RAB12: variants seen among roughly 807,000 people sequenced by gnomAD.
RAB12 encodes RAB12, member RAS oncogene family.
RAB12 carries 11 observed loss-of-function variants against 28.4 expected under a neutral mutation model. That is an observed-to-expected ratio of 0.39 (90% CI 0.24 to 0.64). The LOEUF (loss-of-function observed/expected upper bound fraction) is 0.64, where lower values mean the gene tolerates loss of function less well. Among genes scored for constraint, RAB12 ranks in the 30% least tolerant of loss-of-function variants. RAB12 has a pLI of 0.50. For synonymous variants in RAB12, 138 were observed against 145.3 expected, an observed-to-expected ratio of 0.95 and a Z score of 0.36; for missense variants, 276 against 351.1, an observed-to-expected ratio of 0.79 and a Z score of 1.71.
chr18:8,634,758 C>T (rs2096017948), intron 3 of RAB12, among the ~76,000 whole-genome samples: 2 of 152,230 alleles, frequency 1.3e-5, no homozygotes, highest in Admixed American at 1.3e-4. Context: ...GGGGCCGGCA[C>T]TCCTCACCTG....
At chr18:8,627,786 G>A (rs1349051718) in intron 2 of RAB12, among the ~76,000 whole-genome samples, 1 of 152,102 alleles carries the variant, frequency 6.6e-6, no homozygotes, top group Non-Finnish European at 1.5e-5. Flanking sequence ...GTCCACTGTT[G>A]GGGGACTTTG....
chr18:8,638,353 C>T lies in RAB12; in HGVS notation c.*91C>T, dbSNP rs1482596830. On this transcript the variant is annotated 3_prime_UTR_variant, in exon 6 of 6. Transcript: ENST00000649141. ...TACAATCATTTTGACAATTTCCTTT[C>T]GCACTTTGTAATCCAAGTCAGAGCT... 1.5e-5 allele frequency: 13 copies of T among 876,088 alleles called. No homozygotes were observed. Among genetic ancestry groups the T allele is most frequent in the East Asian group, 7.7e-5 (3 of 38,742 alleles). 54.3% of individuals were successfully genotyped at this position (876,088 alleles called of 1,614,324 possible).
chr18:8,628,573 A>G (rs1051579699), intron 2 of RAB12, among the ~76,000 whole-genome samples: 3 of 152,222 alleles, frequency 2.0e-5, no homozygotes, highest in African/African-American at 4.8e-5. Flanking sequence ...ATTTTTGTCA[A>G]CTAAATCAGT....
intron 1 of RAB12, among the ~76,000 whole-genome samples, chr18:8,621,863 C>T (rs373553275): frequency 7.9e-5 from 12 of 152,250 alleles, no homozygotes; most frequent in African/African-American, 2.2e-4. Flanking sequence ...TATTTACTGT[C>T]GGGTAATCTT....
intron 1 of RAB12, 144 bp from the exon 2 acceptor site, chr18:8,624,794 T>A: frequency 1.6e-6 from 1 of 620,922 alleles, no homozygotes; most frequent in Non-Finnish European, 2.8e-6. Flanking sequence ...CAGATACTGC[T>A]TTTCCTTGGA....
intron 1 of RAB12, among the ~76,000 whole-genome samples, chr18:8,624,098 C>G (rs944975041): frequency 6.6e-6 from 1 of 152,246 alleles, no homozygotes; most frequent in African/African-American, 2.4e-5. Flanking sequence ...ATCGTCTACA[C>G]CCTGGGTCCC....
At chr18:8,616,757 CAAAA>C (rs71165794) in intron 1 of RAB12, among the ~76,000 whole-genome samples, 1 of 128,614 alleles carries the variant, frequency 7.8e-6, no homozygotes. Flanking sequence ...CCCATCTCCA[CAAAA>C]AAAAAAAAAA....
At chr18:8,632,786 C>G in intron 2 of RAB12, 1 of 232,946 alleles carries the variant, frequency 4.3e-6, no homozygotes, top group Non-Finnish European at 8.3e-6. Flanking sequence ...AATGTGAATT[C>G]TTAGGGATTG....
At position 8,633,321 on chromosome 18, in the gene RAB12, T is replaced by C; in HGVS notation, c.708T>C (p.Ile236=). ...ATTTGCCGAAATGGATGAAGATGATTGATAAGGTAAATGTTGCATTTTTCT... is the reference window on the plus strand; with the variant it reads ...ATTTGCCGAAATGGATGAAGATGATCGATAAGGTAAATGTTGCATTTTTCT... ...FDDLPKWMKM[I]DKYASEDAEL... The change falls in exon 3 of 6, where the codon ATT becomes ATC. Residue 236 remains isoleucine, a synonymous_variant. Transcript: ENST00000649141. 1 of 1,614,036 alleles carries C rather than the reference T, an allele frequency of 6.2e-7. No homozygotes were observed.
intron 4 of RAB12, 110 bp downstream of exon 4, chr18:8,635,732 G>A: frequency 3.0e-6 from 2 of 659,168 alleles, no homozygotes; most frequent in Non-Finnish European, 4.9e-6. Context: ...TATCAATACA[G>A]TGATAACTCA....
chr18:8,625,644 G>A (rs321654), intron 2 of RAB12, among the ~76,000 whole-genome samples: 33,394 of 152,110 alleles, frequency 0.22, 7,014 homozygotes, highest in African/African-American at 0.56. Context: ...TTAACAGCCC[G>A]CAGGTGCTAG....
intron 1 of RAB12, among the ~76,000 whole-genome samples, chr18:8,622,208 C>T (rs894857039): frequency 2.6e-5 from 4 of 152,148 alleles, no homozygotes; most frequent in African/African-American, 7.2e-5. Flanking sequence ...TCAATAAAGT[C>T]GCAGCCACTG....
chr18:8,615,608 G>A (rs1380458681), intron 1 of RAB12, among the ~76,000 whole-genome samples: 1 of 152,206 alleles, frequency 6.6e-6, no homozygotes, highest in Non-Finnish European at 1.5e-5. Flanking sequence ...GGATGTGAGC[G>A]TGAGAGGAAC....
intron 2 of RAB12, chr18:8,632,934 G>C (rs2096016863): frequency 2.2e-6 from 1 of 447,960 alleles, no homozygotes; most frequent in Admixed American, 4.4e-5. Flanking sequence ...AGAGTATGTT[G>C]ATCTTGGTTC....
intron 2 of RAB12, among the ~76,000 whole-genome samples, chr18:8,629,538 G>A: frequency 6.6e-6 from 1 of 152,172 alleles, no homozygotes; most frequent in East Asian, 1.9e-4. Flanking sequence ...GCAGGACCTG[G>A]GTAGACAGAA....
chr18:8,638,272 T>G lies in RAB12; in HGVS notation c.*10T>G. 2 of 1,586,730 alleles carry G rather than the reference T, an allele frequency of 1.3e-6. No homozygotes were observed. Among genetic ancestry groups the G allele is most frequent in the Non-Finnish European group, 1.7e-6 (2 of 1,155,740 alleles). ...TGTCCGATGCTGTTGATTTCCTACTTTGGAGACAAAGTGGAAATGATTCCT... is the reference window on the plus strand; with the variant it reads ...TGTCCGATGCTGTTGATTTCCTACTGTGGAGACAAAGTGGAAATGATTCCT... On this transcript the variant is annotated 3_prime_UTR_variant, in exon 6 of 6. Transcript: ENST00000649141.
chr18:8,633,264 A>T lies in RAB12; in HGVS notation c.651A>T (p.Val217=). 6.2e-7 allele frequency: 1 copy of T among 1,613,966 alleles called. No individual in the cohort carries two copies. The highest frequency in any genetic ancestry group is 2.2e-5 in the East Asian group (1 of 44,868). The change falls in exon 3 of 6, where the codon GTA becomes GTT. Residue 217 remains valine (V), a synonymous_variant. Coordinates refer to ENST00000649141, the MANE Select transcript of RAB12 (RefSeq NM_001025300.3). ...YYRSAKGIIL[V]YDITKKETFD... ...GAAGTGCCAAGGGGATCATATTAGT[A>T]TATGATATCACTAAGAAGGAGACAT...
chr18:8,636,404 T>A, intron 5 of RAB12, 47 bp downstream of exon 5: 1 of 1,148,116 alleles, frequency 8.7e-7, no homozygotes, highest in Non-Finnish European at 1.2e-6. Context: ...CTGAAACCTG[T>A]TGTTTCCTTT....
chr18:8,615,346 A>G (rs1469274585), intron 1 of RAB12, among the ~76,000 whole-genome samples: 1 of 151,938 alleles, frequency 6.6e-6, no homozygotes, highest in South Asian at 2.1e-4. Context: ...TTGTTAGAAA[A>G]CCCAGAATGA....
Sources: gnomAD v4.1 joint callset for allele counts (sites outside exome capture counted in the v4.1 genomes callset) on GRCh38, gnomAD v4.1.1 for gene constraint, MANE v1.5 for transcripts, NCBI Gene and HGNC (gene_info 2026-07-23, HGNC 2026-07-21) for gene names.